ILDR2: variants seen among roughly 807,000 people sequenced by gnomAD.
ILDR2 encodes immunoglobulin-like domain-containing receptor 2.
A neutral mutation model predicts 66.8 loss-of-function variants in ILDR2; 25 were observed. That is an observed-to-expected ratio of 0.37 (90% CI 0.27 to 0.52). ILDR2 has a LOEUF of 0.52. ILDR2 is among the 20% of genes least tolerant of loss of function. ILDR2 has a pLI of 0.88. For synonymous variants in ILDR2, 367 were observed against 357.2 expected (o/e 1.03, Z -0.31); for missense variants, 827 against 876.8 (o/e 0.94, Z 0.72).
At chr1:166,971,468 G>A (rs115785896) in intron 1 of ILDR2, among the ~76,000 whole-genome samples, 2 of 152,046 alleles carry the variant, frequency 1.3e-5, no homozygotes, top group African/African-American at 4.8e-5. Context: ...TTGGTTTTTG[G>A]TTTTTGTTTT....
At chr1:166,953,824 T>C (rs1190356830) in intron 3 of ILDR2, among the ~76,000 whole-genome samples, 1 of 152,232 alleles carries the variant, frequency 6.6e-6, no homozygotes, top group Non-Finnish European at 1.5e-5. Context: ...CAAAAGTAAC[T>C]TAACTGAATA....
chr1:166,920,973 C>A lies in ILDR2; in HGVS notation c.1618G>T (p.Glu540Ter). ...GSARERQARP[E>*]GASRGGSLET... ...AGGCTGCCACCGCGGCTGGCGCCCT[C>A]GGGCCGCGCCTGGCGCTCCCGCGCG... Residue 540 changes from glutamate to a stop codon, truncating the protein, a stop_gained, in exon 9 of 10, where the codon GAG becomes TAG. Transcript: ENST00000271417. LOFTEE classifies it high-confidence loss of function. The A allele has an allele frequency of 6.7e-7, 1 of 1,486,666 alleles. No homozygotes were observed. 92.1% of individuals were successfully genotyped at this position (1,486,666 alleles called of 1,614,324 possible).
chr1:166,919,490 G>C lies in ILDR2; in HGVS notation c.1885-100C>G, dbSNP rs75456582. 4.8e-4 allele frequency: 504 copies of C among 1,050,608 alleles called. 3 individuals carry two copies. The African/African-American group carries it at 7.2e-3, about 15-fold the overall frequency. The allele number at this position is 1,050,608 out of a possible 1,614,324, so 65.1% of individuals were successfully genotyped here. A position where few individuals can be genotyped will look rare whatever the true frequency, so the allele number is the denominator to read the frequency against. On this transcript the variant is annotated intron_variant, in intron 9 of 9. Transcript: ENST00000271417. ...CTGGGCAGAGTCCACAACCCGTTCA[G>C]TGCCAGGCACCCCTGATTCTCAGAA...
intron 1 of ILDR2, among the ~76,000 whole-genome samples, chr1:166,962,154 C>A (rs1192812872): frequency 6.6e-6 from 1 of 152,188 alleles, no homozygotes; most frequent in African/African-American, 2.4e-5. Context: ...GAATGCCATC[C>A]AGTCCCCAAA....
At chr1:166,920,228 C>T (rs1056906119) in intron 9 of ILDR2, among the ~76,000 whole-genome samples, 4 of 152,146 alleles carry the variant, frequency 2.6e-5, no homozygotes, top group African/African-American at 9.7e-5. Flanking sequence ...TGGCTCTTAG[C>T]CTTCTCTGGG....
chr1:166,934,655 T>C (rs575525081), intron 6 of ILDR2, among the ~76,000 whole-genome samples: 43 of 152,324 alleles, frequency 2.8e-4, no homozygotes, highest in African/African-American at 9.6e-4. Flanking sequence ...CTTCTTCCAG[T>C]CAATCTGACA....
chr1:166,940,031 A>G (rs1661218171), intron 3 of ILDR2, among the ~76,000 whole-genome samples: 1 of 152,192 alleles, frequency 6.6e-6, no homozygotes, highest in Admixed American at 6.5e-5. Flanking sequence ...TCACTACATG[A>G]TTCTATTTGT....
At chr1:166,970,257 T>A (rs921479190) in intron 1 of ILDR2, among the ~76,000 whole-genome samples, 6 of 152,150 alleles carry the variant, frequency 3.9e-5, no homozygotes, top group African/African-American at 1.2e-4. Flanking sequence ...CATTTGTTCT[T>A]CTGAAAATTT....
At chr1:166,920,615 A>C (rs937813850) in intron 9 of ILDR2, 92 bp downstream of exon 9, 1 of 1,290,120 alleles carries the variant, frequency 7.8e-7, no homozygotes, top group Non-Finnish European at 9.9e-7. Context: ...CCGCCTCGCC[A>C]CCTCCCCGGC....
chr1:166,911,895 T>C lies in ILDR2; in HGVS notation c.*7460A>G, dbSNP rs894119795. The C allele has an allele frequency of 2.0e-5, 3 of 151,654 alleles. No homozygotes were observed. Among genetic ancestry groups the C allele is most frequent in the East Asian group, 1.9e-4 (1 of 5,174 alleles). The allele number at this position is 151,654 out of a possible 1,614,324, so 9.4% of individuals were successfully genotyped here. On this transcript the variant is annotated 3_prime_UTR_variant, in exon 10 of 10. Coordinates refer to ENST00000271417, the MANE Select transcript of ILDR2 (RefSeq NM_199351.3). ...AATATAGATTAAACAATATGGGGCA[T>C]AGAATGAAAAAAAATCTAACAATTG...
chr1:166,927,720 A>C (rs1361020048), intron 6 of ILDR2, among the ~76,000 whole-genome samples: 1 of 152,358 alleles, frequency 6.6e-6, no homozygotes, highest in Non-Finnish European at 1.5e-5. Context: ...ATAAGAGCTA[A>C]TATTAATTTC....
chr1:166,918,975 A>G lies in ILDR2; in HGVS notation c.*380T>C, dbSNP rs928294212. ...TCTAAGTATAGCACAGGAGGTATAG[A>G]AAAGCATATTGTAGGCATAGGCAAT... On this transcript the variant is annotated 3_prime_UTR_variant, in exon 10 of 10. Coordinates refer to ENST00000271417, the MANE Select transcript of ILDR2 (RefSeq NM_199351.3). 8.2e-5 allele frequency: 31 copies of G among 379,800 alleles called. No individual in the cohort carries two copies. Among genetic ancestry groups the G allele is most frequent in the Middle Eastern group, 6.6e-4 (1 of 1,512 alleles). The allele number at this position is 379,800 out of a possible 1,614,324, so 23.5% of individuals were successfully genotyped here.
intron 7 of ILDR2, among the ~76,000 whole-genome samples, chr1:166,926,581 TC>T (rs1490021722): frequency 6.6e-6 from 1 of 151,806 alleles, no homozygotes; most frequent in African/African-American, 2.4e-5. Flanking sequence ...CTAGCACCCT[TC>T]ACGTTGGAAA....
At chr1:166,902,297 C>T (rs1251312253) in intron 2 of ILDR2, among the ~76,000 whole-genome samples, 47 of 152,240 alleles carry the variant, frequency 3.1e-4, no homozygotes, top group Non-Finnish European at 1.5e-5. Context: ...AAGTGCATAA[C>T]ATAAACTCTG....
At chr1:166,969,647 CT>C (rs1282446183) in intron 1 of ILDR2, among the ~76,000 whole-genome samples, 1 of 152,226 alleles carries the variant, frequency 6.6e-6, no homozygotes, top group East Asian at 1.9e-4. Context: ...AACTGCCATT[CT>C]TTCTCACTTT....
At chr1:166,969,537 C>T (rs1186406323) in intron 1 of ILDR2, among the ~76,000 whole-genome samples, 1 of 152,202 alleles carries the variant, frequency 6.6e-6, no homozygotes, top group Non-Finnish European at 1.5e-5. Context: ...TCAGTTTCTG[C>T]TCTGTCACTG....
chr1:166,967,928 A>G (rs1310260400), intron 1 of ILDR2, among the ~76,000 whole-genome samples: 1 of 152,092 alleles, frequency 6.6e-6, no homozygotes, highest in Non-Finnish European at 1.5e-5. Flanking sequence ...ACTCTGTCCA[A>G]TTCTCTCATC....
At chr1:166,950,416 G>T (rs1661903498) in intron 3 of ILDR2, among the ~76,000 whole-genome samples, 1 of 152,174 alleles carries the variant, frequency 6.6e-6, no homozygotes, top group Non-Finnish European at 1.5e-5. Context: ...AGGAGAAGGA[G>T]AGAGGGGAAA....
intron 8 of ILDR2, among the ~76,000 whole-genome samples, chr1:166,922,207 CAGG>C (rs1258638148): frequency 6.6e-6 from 1 of 151,922 alleles, no homozygotes; most frequent in Non-Finnish European, 1.5e-5. Context: ...CGCTTGAGCT[CAGG>C]AGTTCAAGAC....
Sources: gnomAD v4.1 joint callset for allele counts (sites outside exome capture counted in the v4.1 genomes callset) on GRCh38, gnomAD v4.1.1 for gene constraint, MANE v1.5 for transcripts, NCBI Gene and HGNC (gene_info 2026-07-23, HGNC 2026-07-21) for gene names.